The following CCDC171 variants were observed in gnomAD, a reference collection of about 807,000 sequenced individuals.
The protein encoded by CCDC171 is coiled-coil domain-containing protein 171.
In CCDC171, 177 loss-of-function variants were observed where a neutral mutation model predicts 168.2. The observed-to-expected ratio is 1.05, with a 90% confidence interval of 0.93 to 1.19. The LOEUF is 1.19. Ranked by LOEUF, CCDC171 falls within the 50% of genes most tolerant of loss-of-function variation. The pLI is 0.00. For missense variants in CCDC171, 1,991 were observed against 1,539.0 expected (o/e 1.29, Z -4.91); for synonymous variants, 687 against 540.8 (o/e 1.27, Z -3.75).
intron 25 of CCDC171, among the ~76,000 whole-genome samples, chr9:15,958,531 A>ATATTATATTATATTG (rs1830036142): frequency 7.0e-6 from 1 of 142,816 alleles, no homozygotes; most frequent in South Asian, 2.1e-4. Flanking sequence ...ATATTATATT[A>ATATTATATTATATTG]TATTATATTA....
At chr9:15,713,798 A>G (rs1347879076) in intron 11 of CCDC171, among the ~76,000 whole-genome samples, 1 of 151,772 alleles carries the variant, frequency 6.6e-6, no homozygotes, top group Non-Finnish European at 1.5e-5. Flanking sequence ...GATGCCATCA[A>G]TTTAGTAGAG....
At chr9:15,775,534 G>A (rs577934691) in intron 18 of CCDC171, among the ~76,000 whole-genome samples, 28 of 152,256 alleles carry the variant, frequency 1.8e-4, no homozygotes, top group African/African-American at 6.5e-4. Flanking sequence ...TAGCCAGGAT[G>A]GTCTCGATCT....
intron 24 of CCDC171, among the ~76,000 whole-genome samples, chr9:15,887,026 A>C (rs920191175): frequency 3.9e-5 from 6 of 152,132 alleles, no homozygotes; most frequent in African/African-American, 1.4e-4. Flanking sequence ...TTTGGTCATA[A>C]GATGAATAAT....
chr9:16,042,237 A>G (rs1192208796), upstream of CCDC171, among the ~76,000 whole-genome samples: 2 of 152,172 alleles, frequency 1.3e-5, no homozygotes, highest in African/African-American at 4.8e-5. Context: ...AGGCAACCAA[A>G]TTAGACCAGA....
At chr9:16,006,057 T>C (rs1035348011) in intron 3 of CCDC171, among the ~76,000 whole-genome samples, 25 of 152,130 alleles carry the variant, frequency 1.6e-4, no homozygotes, top group Non-Finnish European at 3.5e-4. Context: ...AGATGGGGTT[T>C]CACCATTTTG....
intron 1 of CCDC171, among the ~76,000 whole-genome samples, chr9:16,044,343 A>G (rs1020931988): frequency 6.6e-6 from 1 of 152,170 alleles, no homozygotes; most frequent in African/African-American, 2.4e-5. Context: ...AGAGGAGAGG[A>G]TCCGGTTACT....
intron 5 of CCDC171, among the ~76,000 whole-genome samples, chr9:15,592,542 T>G (rs951878861): frequency 1.3e-5 from 2 of 152,188 alleles, no homozygotes; most frequent in Non-Finnish European, 2.9e-5. Context: ...TACTTTTGAT[T>G]TCTTCCACAT....
intron 3 of CCDC171, among the ~76,000 whole-genome samples, chr9:15,997,409 G>A (rs1237962846): frequency 6.6e-6 from 1 of 152,190 alleles, no homozygotes; most frequent in Non-Finnish European, 1.5e-5. Context: ...TATAGGCTGT[G>A]AGTTAACGGC....
chr9:15,792,926 A>G (rs978862219), intron 21 of CCDC171, among the ~76,000 whole-genome samples: 30 of 152,154 alleles, frequency 2.0e-4, no homozygotes, highest in Non-Finnish European at 3.5e-4. Context: ...TAATGAGCAA[A>G]ATAACCAGCT....
At chr9:15,584,132 G>T (rs1200456712) in intron 4 of CCDC171, among the ~76,000 whole-genome samples, 1 of 152,222 alleles carries the variant, frequency 6.6e-6, no homozygotes, top group Admixed American at 6.5e-5. Flanking sequence ...CTCCCAAAGT[G>T]CTGGGATTAC....
intron 18 of CCDC171, among the ~76,000 whole-genome samples, chr9:15,766,160 A>G (rs2056711108): frequency 6.6e-6 from 1 of 151,978 alleles, no homozygotes; most frequent in African/African-American, 2.4e-5. Context: ...AGCCTAGGTC[A>G]CTCTGTGTCA....
intron 18 of CCDC171, 70 bp downstream of exon 18, chr9:15,745,701 C>T (rs942065544): frequency 3.5e-6 from 3 of 863,476 alleles, no homozygotes; most frequent in Non-Finnish European, 5.3e-6. Context: ...CTTTATGTCA[C>T]AAATTCTAAT....
intron 7 of CCDC171, among the ~76,000 whole-genome samples, chr9:15,642,646 G>C (rs2046734525): frequency 2.0e-5 from 3 of 151,950 alleles, no homozygotes; most frequent in South Asian, 4.1e-4. Context: ...CTCTTGGAAG[G>C]AGTTTGTTTA....
At chr9:15,937,237 G>A (rs1032412068) in intron 25 of CCDC171, among the ~76,000 whole-genome samples, 3 of 151,864 alleles carry the variant, frequency 2.0e-5, no homozygotes, top group African/African-American at 7.3e-5. Flanking sequence ...GGGAAATAAT[G>A]GCTAGTTTAA....
At chr9:16,081,335 T>C in the CCDC171 span, among the ~76,000 whole-genome samples, 1 of 152,220 alleles carries the variant, frequency 6.6e-6, no homozygotes, top group African/African-American at 2.4e-5. Flanking sequence ...GCCATCTCCC[T>C]TACTGGTCAG....
intron 7 of CCDC171, among the ~76,000 whole-genome samples, chr9:15,637,887 G>T (rs2046322231): frequency 6.6e-6 from 1 of 151,924 alleles, no homozygotes; most frequent in Non-Finnish European, 1.5e-5. Context: ...CATTTGGGTT[G>T]GTTCCAAGTC....
chr9:15,598,882 T>G (rs1425695091), intron 6 of CCDC171, among the ~76,000 whole-genome samples: 1 of 152,188 alleles, frequency 6.6e-6, no homozygotes, highest in Non-Finnish European at 1.5e-5. Context: ...CTTGTTGAAT[T>G]GATCCCTTTA....
At chr9:15,623,182 A>T in intron 6 of CCDC171, 85 bp from the exon 7 acceptor site, 3 of 887,652 alleles carry the variant, frequency 3.4e-6, no homozygotes, top group Non-Finnish European at 4.9e-6. Flanking sequence ...GCACAGATTT[A>T]GTTACTCACT....
intron 21 of CCDC171, among the ~76,000 whole-genome samples, chr9:15,786,407 T>G (rs1392813019): frequency 6.6e-6 from 1 of 152,176 alleles, no homozygotes; most frequent in Non-Finnish European, 1.5e-5. Flanking sequence ...TCATATCACC[T>G]GATATATCTA....
Sources: allele counts gnomAD v4.1 joint callset (sites outside exome capture counted in the v4.1 genomes callset), GRCh38; gene constraint gnomAD v4.1.1; transcripts MANE v1.5; gene names NCBI Gene and HGNC (gene_info 2026-07-23, HGNC 2026-07-21).